Variants in GALNT13 observed in about 807,000 individuals in gnomAD.
GALNT13 encodes polypeptide N-acetylgalactosaminyltransferase 13.
A neutral mutation model predicts 64.2 loss-of-function variants in GALNT13; 28 were observed. That is an observed-to-expected ratio of 0.44 (90% confidence interval 0.32 to 0.60). The LOEUF (loss-of-function observed/expected upper bound fraction) is 0.60. Ranked by LOEUF, GALNT13 falls within the 20% of genes least tolerant of loss-of-function variation. The probability of loss-of-function intolerance (pLI) is 0.05; values close to 1 mark genes in which losing one functional copy is unlikely to be tolerated. For missense variants in GALNT13, 577 were observed against 669.8 expected (o/e 0.86, Z 1.53); for synonymous variants, 214 against 224.6 (o/e 0.95, Z 0.42).
At chr2:153,837,940 T>G in the GALNT13 span, among the ~76,000 whole-genome samples, 2 of 152,072 alleles carry the variant, frequency 1.3e-5, no homozygotes, top group Admixed American at 1.3e-4. Flanking sequence ...TTATTATCAT[T>G]TGACTTTTTA....
At chr2:153,163,900 C>T in the GALNT13 span, among the ~76,000 whole-genome samples, 1 of 151,844 alleles carries the variant, frequency 6.6e-6, no homozygotes, top group Admixed American at 6.6e-5. Flanking sequence ...CGCCTGTAGT[C>T]CCAGCTACTC....
the GALNT13 span, chr2:153,337,928 A>T: frequency 6.6e-6 from 1 of 152,244 alleles, no homozygotes; most frequent in Admixed American, 6.5e-5. Context: ...CATAATATTA[A>T]TAATGGCTGA....
chr2:154,223,703 A>G (rs919790420), intron 4 of GALNT13, among the ~76,000 whole-genome samples: 2 of 151,992 alleles, frequency 1.3e-5, no homozygotes, highest in African/African-American at 2.4e-5. Context: ...TTAATAAATC[A>G]TTTGGAAATT....
chr2:153,701,188 C>T, the GALNT13 span, among the ~76,000 whole-genome samples: 1 of 152,128 alleles, frequency 6.6e-6, no homozygotes, highest in South Asian at 2.1e-4. Flanking sequence ...AGAAATAACA[C>T]CACACATCTA....
chr2:153,256,711 G>A, the GALNT13 span, among the ~76,000 whole-genome samples: 42 of 152,254 alleles, frequency 2.8e-4, no homozygotes, highest in Non-Finnish European at 2.6e-4. Context: ...GTACCAGGCC[G>A]TGTGAGGTGT....
intron 9 of GALNT13, among the ~76,000 whole-genome samples, chr2:154,361,002 A>G (rs935064074): frequency 2.0e-5 from 3 of 152,078 alleles, no homozygotes; most frequent in Admixed American, 1.3e-4. Context: ...TACAAAACAC[A>G]ATTTGGAAAG....
At chr2:153,586,347 G>T in the GALNT13 span, among the ~76,000 whole-genome samples, 1 of 152,142 alleles carries the variant, frequency 6.6e-6, no homozygotes, top group African/African-American at 2.4e-5. Context: ...AAGTAAAGGG[G>T]TGGAGATATT....
At chr2:154,006,063 G>T (rs1326970415) in intron 3 of GALNT13, among the ~76,000 whole-genome samples, 3 of 152,172 alleles carry the variant, frequency 2.0e-5, no homozygotes, top group Admixed American at 1.3e-4. Flanking sequence ...ATATTTGGAT[G>T]TTAATGATAA....
the GALNT13 span, among the ~76,000 whole-genome samples, chr2:153,491,746 T>C: frequency 6.6e-6 from 1 of 151,882 alleles, no homozygotes; most frequent in Non-Finnish European, 1.5e-5. Context: ...TCAGCCTCCC[T>C]GGTTGCTGGG....
the GALNT13 span, among the ~76,000 whole-genome samples, chr2:153,362,552 G>GAAAAA: frequency 4.1e-4 from 7 of 16,966 alleles, no homozygotes; most frequent in Non-Finnish European, 8.5e-4. Flanking sequence ...CAAATGGAGA[G>GAAAAA]CAAAAAAAAA....
chr2:154,265,635 G>A (rs563813471), intron 8 of GALNT13, among the ~76,000 whole-genome samples: 1 of 152,206 alleles, frequency 6.6e-6, no homozygotes, highest in South Asian at 2.1e-4. Context: ...AGAGGGAGAG[G>A]TTGCAGTGAG....
At chr2:153,286,168 A>G in the GALNT13 span, among the ~76,000 whole-genome samples, 1 of 152,180 alleles carries the variant, frequency 6.6e-6, no homozygotes, top group Non-Finnish European at 1.5e-5. Flanking sequence ...TAACCCATTC[A>G]ACTGTATAAG....
chr2:153,772,541 C>T, the GALNT13 span, among the ~76,000 whole-genome samples: 1 of 152,152 alleles, frequency 6.6e-6, no homozygotes, highest in African/African-American at 2.4e-5. Flanking sequence ...GCTCACTATT[C>T]CAGTGAATTC....
chr2:153,361,024 AC>A, the GALNT13 span, among the ~76,000 whole-genome samples: 494 of 152,222 alleles, frequency 3.2e-3, 1 homozygote, highest in African/African-American at 0.011. Flanking sequence ...TGGAGCAGGC[AC>A]CCATTTTTGA....
intron 3 of GALNT13, among the ~76,000 whole-genome samples, chr2:153,975,162 C>A (rs1693995283): frequency 6.6e-6 from 1 of 151,896 alleles, no homozygotes; most frequent in Admixed American, 6.6e-5. Flanking sequence ...TGTTTTTTAA[C>A]CCTCATTATT....
intron 3 of GALNT13, among the ~76,000 whole-genome samples, chr2:154,002,751 C>T (rs144748067): frequency 6.6e-6 from 1 of 152,132 alleles, no homozygotes; most frequent in African/African-American, 2.4e-5. Context: ...AAATAGCCAC[C>T]TCTTCCATCT....
intron 3 of GALNT13, among the ~76,000 whole-genome samples, chr2:154,128,509 A>C (rs1029915196): frequency 1.2e-4 from 18 of 152,102 alleles, no homozygotes; most frequent in Admixed American, 4.6e-4. Context: ...AAAAACGCAA[A>C]ACCCAGTGTA....
In GALNT13 at chr2:154,276,329, C is replaced by G. The variant is rs538239348; in HGVS notation, c.975+17191C>G. ...CCTTTTCCTGGGTTCAAGCAATTCT[C>G]ATGCCTCAGCCTCCCAAGTAGCTGG... On this transcript the variant is annotated intron_variant, in intron 8 of 12. Coordinates refer to ENST00000392825, the MANE Select transcript of GALNT13 (RefSeq NM_052917.4). 2.0e-5 allele frequency among the ~76,000 whole-genome samples: 3 copies of G among 152,188 alleles called. No individual in the cohort carries two copies. In the South Asian group the frequency reaches 6.2e-4, roughly 32 times the overall value.
the GALNT13 span, among the ~76,000 whole-genome samples, chr2:153,718,426 T>C: frequency 6.6e-5 from 10 of 151,810 alleles, no homozygotes; most frequent in Non-Finnish European, 1.5e-4. Context: ...TTTTTTTTTT[T>C]CATGTTTTTG....
Sources: allele counts gnomAD v4.1 joint callset (sites outside exome capture counted in the v4.1 genomes callset), GRCh38; gene constraint gnomAD v4.1.1; transcripts MANE v1.5; gene names NCBI Gene and HGNC (gene_info 2026-07-23, HGNC 2026-07-21).